The following SLC35F3 variants were observed in gnomAD, a reference collection of about 807,000 sequenced individuals.
The protein encoded by SLC35F3 is solute carrier family 35 member F3.
Under a neutral mutation model 49.9 loss-of-function variants are expected in SLC35F3, and 25 were observed. That is an observed-to-expected ratio of 0.50 (90% confidence interval 0.37 to 0.70). The LOEUF is 0.70. Ranked by LOEUF, SLC35F3 falls within the 30% of genes least tolerant of loss-of-function variation. The pLI is 0.00. For synonymous variants in SLC35F3, 275 were observed against 265.4 expected (o/e 1.04, Z -0.35); for missense variants, 525 against 639.8 (o/e 0.82, Z 1.94).
Position 234,284,462 on chromosome 1 carries a change from G to A in SLC35F3, c.609-24639G>A, listed in dbSNP as rs1668379066. On this transcript the variant is annotated intron_variant, in intron 3 of 7. Coordinates refer to ENST00000366618, the MANE Select transcript of SLC35F3 (RefSeq NM_173508.4). ...TCGCACTCTTCATCTCCCTGTGTGAGTGGTTACTGGAACTATCAGTTTGGT... is the reference window on the plus strand; with the variant it reads ...TCGCACTCTTCATCTCCCTGTGTGAATGGTTACTGGAACTATCAGTTTGGT... Among the ~76,000 whole-genome samples, 6 of 152,206 alleles carry A rather than the reference G, an allele frequency of 3.9e-5. No individual in the cohort carries two copies. The South Asian group carries it at 1.2e-3, about 31-fold the overall frequency.
chr1:234,170,956 AC>A (rs1198584003), intron 2 of SLC35F3, among the ~76,000 whole-genome samples: 2 of 152,208 alleles, frequency 1.3e-5, no homozygotes, highest in Admixed American at 1.3e-4. Flanking sequence ...TTGCAGACTC[AC>A]AGTTAGCTCA....
intron 2 of SLC35F3, among the ~76,000 whole-genome samples, chr1:234,144,317 G>T (rs891638355): frequency 2.0e-5 from 3 of 152,186 alleles, no homozygotes; most frequent in Non-Finnish European, 4.4e-5. Context: ...AAGGGCAGGT[G>T]CAGGATGCAG....
intron 2 of SLC35F3, among the ~76,000 whole-genome samples, chr1:234,058,170 A>C (rs12061044): frequency 6.7e-6 from 1 of 149,978 alleles, no homozygotes; most frequent in Non-Finnish European, 1.5e-5. Context: ...CATATTGTCA[A>C]TTTTTTTTGG....
At chr1:234,249,981 G>T (rs1388881546) in intron 3 of SLC35F3, among the ~76,000 whole-genome samples, 2 of 152,174 alleles carry the variant, frequency 1.3e-5, no homozygotes, top group Non-Finnish European at 2.9e-5. Flanking sequence ...CCCTCCGAGG[G>T]AGTATACAGT....
At chr1:233,950,298 A>G (rs1379852564) in intron 2 of SLC35F3, among the ~76,000 whole-genome samples, 1 of 147,912 alleles carries the variant, frequency 6.8e-6, no homozygotes, top group African/African-American at 2.5e-5. Context: ...AGGCAGGAGA[A>G]TGACATGGAC....
chr1:234,095,617 C>T (rs1014625048), intron 2 of SLC35F3, among the ~76,000 whole-genome samples: 3 of 152,164 alleles, frequency 2.0e-5, no homozygotes, highest in Non-Finnish European at 2.9e-5. Flanking sequence ...ATTTATATGA[C>T]ATGATTTAAT....
chr1:234,072,064 G>A (rs540525739), intron 2 of SLC35F3, among the ~76,000 whole-genome samples: 5 of 152,240 alleles, frequency 3.3e-5, no homozygotes, highest in African/African-American at 1.2e-4. Flanking sequence ...ATTTATGTAA[G>A]TGACTACTGA....
At chr1:234,132,726 A>G (rs1279833801) in intron 2 of SLC35F3, among the ~76,000 whole-genome samples, 1 of 152,184 alleles carries the variant, frequency 6.6e-6, no homozygotes, top group South Asian at 2.1e-4. Flanking sequence ...ATCTCTTTAC[A>G]TATTAAAAAT....
chr1:234,322,158 C>T (rs1657636499), intron 7 of SLC35F3, among the ~76,000 whole-genome samples: 1 of 150,480 alleles, frequency 6.6e-6, no homozygotes, highest in Admixed American at 6.6e-5. Flanking sequence ...GGCACCACTG[C>T]ACTCCAGCTT....
intron 2 of SLC35F3, among the ~76,000 whole-genome samples, chr1:234,052,220 C>T (rs1008110730): frequency 3.4e-4 from 52 of 152,302 alleles, no homozygotes; most frequent in African/African-American, 1.2e-3. Flanking sequence ...ATGGTACCAG[C>T]TCCTCTTTGT....
chr1:234,239,415 A>T (rs1390352100), intron 3 of SLC35F3, among the ~76,000 whole-genome samples: 1 of 152,202 alleles, frequency 6.6e-6, no homozygotes, highest in Non-Finnish European at 1.5e-5. Context: ...GTGGTTTTTC[A>T]TCGAGTCAAG....
intron 2 of SLC35F3, among the ~76,000 whole-genome samples, chr1:233,972,602 G>A (rs1001788362): frequency 6.6e-6 from 1 of 152,120 alleles, no homozygotes; most frequent in African/African-American, 2.4e-5. Flanking sequence ...CAGCATTTAG[G>A]ATAGAGCCTG....
chr1:234,163,485 G>A (rs969311333), intron 2 of SLC35F3, among the ~76,000 whole-genome samples: 1 of 152,178 alleles, frequency 6.6e-6, no homozygotes, highest in Non-Finnish European at 1.5e-5. Context: ...GAGTGAGAGT[G>A]TAAACAGGTG....
chr1:233,908,098 C>G (rs1051003436), intron 2 of SLC35F3, among the ~76,000 whole-genome samples: 4 of 151,800 alleles, frequency 2.6e-5, no homozygotes, highest in Non-Finnish European at 5.9e-5. Flanking sequence ...AGAGGCTTAT[C>G]TATTACCTGT....
chr1:234,147,807 C>T (rs760235005), intron 2 of SLC35F3, among the ~76,000 whole-genome samples: 48 of 152,302 alleles, frequency 3.2e-4, no homozygotes, highest in South Asian at 6.2e-4. Context: ...TCTGAATGAC[C>T]GGAGAGCTTA....
At chr1:234,187,644 C>A (rs923801016) in intron 2 of SLC35F3, among the ~76,000 whole-genome samples, 4 of 152,186 alleles carry the variant, frequency 2.6e-5, no homozygotes, top group African/African-American at 9.6e-5. Flanking sequence ...CGTGCCCTCA[C>A]TGGGGAACCT....
chr1:234,309,038 G>C, intron 3 of SLC35F3, 63 bp from the exon 4 acceptor site: 3 of 1,365,448 alleles, frequency 2.2e-6, no homozygotes. Context: ...ACTTGCTATA[G>C]GAAATAAATG....
chr1:234,283,801 A>C (rs1668366748), intron 3 of SLC35F3, among the ~76,000 whole-genome samples: 1 of 152,244 alleles, frequency 6.6e-6, no homozygotes, highest in Admixed American at 6.5e-5. Context: ...GAGAATGATC[A>C]GCCTTGGTAC....
rs1666301268 is a variant in SLC35F3 at position 234,165,573 on chromosome 1, A to G, written c.284-65844A>G. Among the ~76,000 whole-genome samples, 4 of 152,124 alleles carry G rather than the reference A, an allele frequency of 2.6e-5. No homozygotes were observed. The South Asian group carries it at 8.3e-4, about 31-fold the overall frequency. ...TATTTTTTCTCCCTTTTTGTGGAGAATGGGATCTTGCTATGTTGCCCCAGC... is the reference window on the plus strand; with the variant it reads ...TATTTTTTCTCCCTTTTTGTGGAGAGTGGGATCTTGCTATGTTGCCCCAGC... On this transcript the variant is annotated intron_variant, in intron 2 of 7. Coordinates refer to ENST00000366618, the MANE Select transcript of SLC35F3 (RefSeq NM_173508.4).
Sources: allele counts gnomAD v4.1 joint callset (sites outside exome capture counted in the v4.1 genomes callset), GRCh38; gene constraint gnomAD v4.1.1; transcripts MANE v1.5; gene names NCBI Gene and HGNC (gene_info 2026-07-23, HGNC 2026-07-21).